ZNF486: variants seen among roughly 807,000 people sequenced by gnomAD.
ZNF486 encodes zinc finger protein 486, also known as KRAB box only protein 2.
In ZNF486, 12 loss-of-function variants were observed where a neutral mutation model predicts 12.8. The observed-to-expected ratio is 0.94, with a 90% CI of 0.60 to 1.52. The LOEUF is 1.52. Ranked by LOEUF, ZNF486 falls within the 40% of genes most tolerant of loss-of-function variation. The probability of loss-of-function intolerance (pLI) is 0.00; values close to 1 mark genes in which losing one functional copy is unlikely to be tolerated. For synonymous variants in ZNF486, 231 were observed against 184.9 expected, an observed-to-expected ratio of 1.25 and a Z score of -2.02; for missense variants, 738 against 545.0, an observed-to-expected ratio of 1.35 and a Z score of -3.53.
chr19:20,186,019 T>C lies in ZNF486; in HGVS notation c.190T>C (p.Cys64Arg). ...IIVSKPDLITCLEQGIKPLTM... is the reference protein window; with the variant it reads ...IIVSKPDLITRLEQGIKPLTM... ...TGTCTCTAAGCCAGACCTGATCACC[T>C]GTCTGGAGCAAGGAATAAAACCTCT... Residue 64 changes from cysteine to arginine, a missense_variant, in exon 3 of 4, where the codon TGT becomes CGT. Coordinates refer to ENST00000335117, the MANE Select transcript of ZNF486 (RefSeq NM_052852.4). 3.1e-6 allele frequency: 5 copies of C among 1,588,990 alleles called. No homozygotes were observed. The highest frequency in any genetic ancestry group is 3.4e-6 in the Non-Finnish European group (4 of 1,169,824).
At position 20,197,261 on chromosome 19, in the gene ZNF486, A is replaced by G; in HGVS notation, c.551A>G (p.Tyr184Cys). The G allele has an allele frequency of 6.2e-7, 1 of 1,611,394 alleles. No homozygotes were observed. The highest frequency in any genetic ancestry group is 1.1e-5 in the South Asian group (1 of 90,436). The change falls in exon 4 of 4, where the codon TAT (tyrosine) becomes TGT (cysteine). Residue 184 changes from tyrosine (Y) to cysteine (C), a missense_variant. Physicochemically the swap from Tyr to Cys is radical, Grantham distance 194. Transcript: ENST00000335117. The part of the protein sequence containing the change: ...RRHTEKKPLK[Y>C]IEGDKAFNQS... ...CATACTGAAAAAAAACCTTTGAAAT[A>G]TATAGAAGGTGACAAAGCTTTTAAC...
chr19:20,197,589 C>T lies in ZNF486; in HGVS notation c.879C>T (p.Pro293=), dbSNP rs372994294. 255 of 1,612,800 alleles carry T rather than the reference C, an allele frequency of 1.6e-4. No individual in the cohort carries two copies. In the African/African-American group the frequency reaches 3.0e-3, roughly 19 times the overall value. Residue 293 remains proline, a synonymous_variant, in exon 4 of 4, where the codon CCC becomes CCT. Coordinates refer to ENST00000335117, the MANE Select transcript of ZNF486 (RefSeq NM_052852.4). ...AGATAATCCATACTGGAGAGCAACC[C>T]TACAAATGTAAAGAATGTGACAAAG... ...THKIIHTGEQ[P]YKCKECDKAF... is the part of the protein sequence containing the mutation.
chr19:20,199,169 C>T lies in ZNF486; in HGVS notation c.*1067C>T, dbSNP rs148758562. 224 of 152,234 alleles carry T rather than the reference C, an allele frequency of 1.5e-3. 1 individual carries two copies. The highest frequency in any genetic ancestry group is 5.2e-3 in the African/African-American group (216 of 41,550). The allele number at this position is 152,234 out of a possible 1,614,324, so 9.4% of individuals were successfully genotyped here. On this transcript the variant is annotated 3_prime_UTR_variant, in exon 4 of 4. Transcript: ENST00000335117. ...TTAATGTCCATCACATCTTACTCAA[C>T]AGAAGAAGGTTCATAAAAGAGCAAT...
At chr19:20,176,245 G>A (rs937860359) in intron 1 of ZNF486, 4 of 194,116 alleles carry the variant, frequency 2.1e-5, no homozygotes, top group Admixed American at 5.9e-5. Flanking sequence ...GGGCAGAGAC[G>A]CTCCTTGCTT....
At chr19:20,183,896 G>A (rs2089813322) in intron 1 of ZNF486, among the ~76,000 whole-genome samples, 1 of 151,828 alleles carries the variant, frequency 6.6e-6, no homozygotes, top group South Asian at 2.1e-4. Flanking sequence ...CATTATTGGT[G>A]AGCTTGTTAG....
intron 1 of ZNF486, among the ~76,000 whole-genome samples, chr19:20,174,459 T>C (rs978338052): frequency 1.3e-4 from 20 of 151,898 alleles, no homozygotes; most frequent in Non-Finnish European, 2.5e-4. Flanking sequence ...CATGATCTCA[T>C]CTCACTGCAA....
chr19:20,181,893 A>C (rs577073097), intron 1 of ZNF486, among the ~76,000 whole-genome samples: 1 of 152,362 alleles, frequency 6.6e-6, no homozygotes, highest in African/African-American at 2.4e-5. Context: ...GGGTGTTATG[A>C]GAATTAAATC....
At position 20,197,613 on chromosome 19, in the gene ZNF486, A is replaced by T; in HGVS notation, c.903A>T (p.Lys301Asn). The change falls in exon 4 of 4, where the codon AAA (lysine) becomes AAT (asparagine). Residue 301 changes from lysine to asparagine, a missense_variant. Transcript: ENST00000335117. ...EQPYKCKECDKAFNHPATLSS... is the reference protein window; with the variant it reads ...EQPYKCKECDNAFNHPATLSS... Reference sequence around the variant, plus strand: ...CCTACAAATGTAAAGAATGTGACAAAGCTTTTAACCATCCTGCAACTCTTT... The same window carrying T: ...CCTACAAATGTAAAGAATGTGACAATGCTTTTAACCATCCTGCAACTCTTT... 1 of 1,613,908 alleles carries T rather than the reference A, an allele frequency of 6.2e-7. No individual in the cohort carries two copies. Among genetic ancestry groups the T allele is most frequent in the Non-Finnish European group, 8.5e-7 (1 of 1,179,856 alleles).
rs1568328992 is a variant in ZNF486, at chr19:20,197,898, TAGG to T, written c.1191_1193del (p.Arg398del). On this transcript the variant is annotated inframe_deletion, in exon 4 of 4. Transcript: ENST00000335117. ...CATGGTCTGCAGGCCTCCATAAACA[TAGG>T]AGAACTCATACTGGAGAGAAACCCT... 6.2e-6 allele frequency: 10 copies of T among 1,613,254 alleles called. No homozygotes were observed. In the East Asian group the frequency reaches 6.7e-5, roughly 11 times the overall value.
intron 1 of ZNF486, among the ~76,000 whole-genome samples, chr19:20,183,844 A>T (rs1245240329): frequency 6.6e-6 from 1 of 152,178 alleles, no homozygotes; most frequent in Non-Finnish European, 1.5e-5. Context: ...TCTTGCACTT[A>T]CTGCATTTGA....
Position 20,171,495 on chromosome 19 carries a change from GTC to G in ZNF486, c.30+4139_30+4140del, listed in dbSNP as rs1169326122. Among the ~76,000 whole-genome samples the G allele has an allele frequency of 3.3e-5, 5 of 152,132 alleles. No individual in the cohort carries two copies. In the East Asian group the frequency reaches 9.6e-4, roughly 29 times the overall value. On this transcript the variant is annotated intron_variant, in intron 1 of 3. Transcript: ENST00000335117. Reference sequence around the variant, plus strand: ...TGTGTTTCTTGTCAAGAACCCACAAGTCTCTACAAGTCTACTGGCATGTCTCC... The same window carrying G: ...TGTGTTTCTTGTCAAGAACCCACAAGTCTACAAGTCTACTGGCATGTCTCC...
At chr19:20,186,949 A>AT (rs1568323560) in intron 3 of ZNF486, among the ~76,000 whole-genome samples, 4 of 151,140 alleles carry the variant, frequency 2.6e-5, no homozygotes, top group East Asian at 1.9e-4. Context: ...TGCCTGGCTA[A>AT]TTTTTTTTGT....
At chr19:20,195,258 G>T (rs1013469613) in intron 3 of ZNF486, among the ~76,000 whole-genome samples, 1 of 152,086 alleles carries the variant, frequency 6.6e-6, no homozygotes, top group African/African-American at 2.4e-5. Flanking sequence ...AACGTTTCCC[G>T]CCTGGATTCA....
chr19:20,175,331 A>ATTTTTTTTTTTTTTTTTTTTTTTTTTTT (rs782300626), intron 1 of ZNF486: 50 of 119,872 alleles, frequency 4.2e-4, no homozygotes, highest in East Asian at 1.4e-3. Flanking sequence ...AGCCCTATTA[A>ATTTTTTTTTTTTTTTTTTTTTTTTTTTT]TTTTTTTTTT....
Position 20,197,592 on chromosome 19 carries a change from C to G in ZNF486, c.882C>G (p.Tyr294Ter), listed in dbSNP as rs781864551. ...HKIIHTGEQP[Y>*]KCKECDKAFN... Reference sequence around the variant, plus strand: ...TAATCCATACTGGAGAGCAACCCTACAAATGTAAAGAATGTGACAAAGCTT... The same window carrying G: ...TAATCCATACTGGAGAGCAACCCTAGAAATGTAAAGAATGTGACAAAGCTT... Residue 294 changes from tyrosine to a stop codon, truncating the protein, a stop_gained, in exon 4 of 4, where the codon TAC becomes TAG. Transcript: ENST00000335117. LOFTEE classifies it low-confidence loss of function (END_TRUNC). 4 of 1,613,656 alleles carry G rather than the reference C, an allele frequency of 2.5e-6. No homozygotes were observed. The highest frequency in any genetic ancestry group is 3.4e-6 in the Non-Finnish European group (4 of 1,179,802).
rs782725080 is a variant in ZNF486, at chr19:20,186,008, A to T, written c.179A>T (p.Asp60Val). The T allele has an allele frequency of 1.9e-6, 3 of 1,583,236 alleles. No homozygotes were observed. Among genetic ancestry groups the T allele is most frequent in the East Asian group, 2.3e-5 (1 of 42,980 alleles). ...ACAGGTATTATTGTCTCTAAGCCAG[A>T]CCTGATCACCTGTCTGGAGCAAGGA... is the stretch of plus-strand genomic sequence containing the variant. The part of the protein sequence containing the change: ...VFLGIIVSKP[D>V]LITCLEQGIK... Residue 60 changes from aspartate to valine, a missense_variant, in exon 3 of 4, where the codon GAC (aspartate) becomes GTC (valine). Physicochemically the swap from Asp to Val is radical, Grantham distance 152 (BLOSUM62 -3). Coordinates refer to ENST00000335117, the MANE Select transcript of ZNF486 (RefSeq NM_052852.4).
rs782050657 is a variant in ZNF486 at position 20,167,221 on chromosome 19, G to A, written c.-110G>A. On this transcript the variant is annotated 5_prime_UTR_variant, in exon 1 of 4. Transcript: ENST00000335117. The stretch of plus-strand genomic sequence containing the variant: ...GGGTTTGGCGCGGCCTTTGTCTCTC[G>A]CTGCATCTGGAGCTCTAGGTCGCCT... 1.4e-6 allele frequency: 2 copies of A among 1,383,736 alleles called. No homozygotes were observed. Among genetic ancestry groups the A allele is most frequent in the Non-Finnish European group, 2.1e-6 (2 of 974,092 alleles). 85.7% of individuals were successfully genotyped at this position (1,383,736 alleles called of 1,614,324 possible).
intron 3 of ZNF486, among the ~76,000 whole-genome samples, chr19:20,191,081 A>G (rs2089897388): frequency 6.6e-6 from 1 of 152,142 alleles, no homozygotes; most frequent in Non-Finnish European, 1.5e-5. Flanking sequence ...TTCCACCATG[A>G]TTGTAAGTTT....
At chr19:20,173,360 G>C (rs1444298393) in intron 1 of ZNF486, among the ~76,000 whole-genome samples, 1 of 152,142 alleles carries the variant, frequency 6.6e-6, no homozygotes, top group Non-Finnish European at 1.5e-5. Flanking sequence ...TCAAAAATCT[G>C]ATGATTATAG....
Sources: allele counts gnomAD v4.1 joint callset (sites outside exome capture counted in the v4.1 genomes callset), GRCh38; gene constraint gnomAD v4.1.1; transcripts MANE v1.5; gene names NCBI Gene and HGNC (gene_info 2026-07-23, HGNC 2026-07-21).